SLC25A36: variants seen among roughly 807,000 people sequenced by gnomAD.
SLC25A36 encodes the protein epididymis secretory sperm binding protein.
A neutral mutation model predicts 35.3 loss-of-function variants in SLC25A36; 24 were observed. That is an observed-to-expected ratio of 0.68 (90% CI 0.49 to 0.96). The LOEUF is 0.96. Ranked by LOEUF, SLC25A36 falls within the 40% of genes least tolerant of loss-of-function variation. The pLI is 0.00. For missense variants in SLC25A36, 294 were observed against 381.1 expected, an observed-to-expected ratio of 0.77 and a Z score of 1.90; for synonymous variants, 141 against 132.2, an observed-to-expected ratio of 1.07 and a Z score of -0.46.
chr3:140,942,408 G>A (rs1420781617), intron 1 of SLC25A36: 9 of 263,926 alleles, frequency 3.4e-5, no homozygotes, highest in Non-Finnish European at 5.1e-5. Context: ...GGGGTGAGGC[G>A]GAGGCCGAAT....
rs914354195 is a variant in SLC25A36, at chr3:140,942,176, AGGGGGGTGGGGGGGTG to A, written c.41+88_41+103del. The A allele has an allele frequency of 1.5e-3, 84 of 57,112 alleles. 1 individual carries two copies. Among genetic ancestry groups the A allele is most frequent in the Middle Eastern group, 0.022 (2 of 92 alleles). The allele number at this position is 57,112 out of a possible 1,614,324, so 3.5% of individuals were successfully genotyped here. ...CAGGCGAGGGGGGCGAGGGGGGCCGAGGGGGGTGGGGGGGTGGGGGGGCGGGAGTGAGGCCTGGGCG... is the reference window on the plus strand; with the variant it reads ...CAGGCGAGGGGGGCGAGGGGGGCCGAGGGGGGCGGGAGTGAGGCCTGGGCG... On this transcript the variant is annotated intron_variant, in intron 1 of 6. Transcript: ENST00000324194.
intron 4 of SLC25A36, chr3:140,968,244 A>T: frequency 1.3e-5 from 12 of 948,956 alleles, no homozygotes; most frequent in Non-Finnish European, 1.5e-5. Flanking sequence ...ATAGCATAAA[A>T]CTCAAGGACC....
At chr3:140,961,627 G>A (rs952723028) in intron 3 of SLC25A36, among the ~76,000 whole-genome samples, 5 of 151,914 alleles carry the variant, frequency 3.3e-5, no homozygotes, top group African/African-American at 9.7e-5. Context: ...AGGCCAAGGC[G>A]GGTGGATCAC....
At chr3:140,966,284 G>C (rs1389837208) in intron 4 of SLC25A36, 1 of 227,754 alleles carries the variant, frequency 4.4e-6, no homozygotes, top group Non-Finnish European at 9.1e-6. Flanking sequence ...TCAGCCAGAT[G>C]GATGGTTGGA....
rs562617786 is a variant in SLC25A36, at chr3:140,958,486, G to A, written c.207-977G>A. Among the ~76,000 whole-genome samples, 17 of 152,202 alleles carry A rather than the reference G, an allele frequency of 1.1e-4. No individual in the cohort carries two copies. The East Asian group carries it at 1.7e-3, about 16-fold the overall frequency. On this transcript the variant is annotated intron_variant, in intron 2 of 6. Coordinates refer to ENST00000324194, the MANE Select transcript of SLC25A36 (RefSeq NM_001104647.3). ...CAAATTTCCCAATGTCAGGGGCCTC[G>A]CCTTCTTTTTTCTATCTACTTACTT...
At chr3:140,958,982 G>GTA (rs1321941011) in intron 2 of SLC25A36, among the ~76,000 whole-genome samples, 2 of 141,682 alleles carry the variant, frequency 1.4e-5, no homozygotes, top group Non-Finnish European at 3.1e-5. Context: ...GTGTGTGTGT[G>GTA]TGTGTGTGTG....
chr3:140,976,406 A>T lies in SLC25A36; in HGVS notation c.889A>T (p.Ile297Phe), dbSNP rs563864359. ...AGTGAGACAGATTCCAAACACAGCC[A>T]TTATGATGGCCACCTATGAATTGGT... is the stretch of plus-strand genomic sequence containing the variant. ...HLVRQIPNTA[I>F]MMATYELVVY... Residue 297 changes from isoleucine (I) to phenylalanine (F), a missense_variant, in exon 7 of 7, where the codon ATT becomes TTT. By Grantham distance (21) the Ile-to-Phe change is conservative (BLOSUM62 0). Coordinates refer to ENST00000324194, the MANE Select transcript of SLC25A36 (RefSeq NM_001104647.3). 26 of 1,613,846 alleles carry T rather than the reference A, an allele frequency of 1.6e-5. No homozygotes were observed. The East Asian group carries it at 5.8e-4, about 36-fold the overall frequency.
intron 4 of SLC25A36, chr3:140,968,138 C>T: frequency 2.1e-6 from 2 of 968,966 alleles, no homozygotes; most frequent in Non-Finnish European, 2.5e-6. Flanking sequence ...TTTCCATTGG[C>T]TTCATTTCTT....
At chr3:140,966,692 C>CT (rs1315822533) in intron 4 of SLC25A36, 1 of 345,520 alleles carries the variant, frequency 2.9e-6, no homozygotes, top group African/African-American at 2.2e-5. Flanking sequence ...AATTGATCTT[C>CT]TTTTAGGTAA....
intron 4 of SLC25A36, chr3:140,970,253 A>AAAT (rs1934867249): frequency 6.6e-6 from 1 of 151,960 alleles, no homozygotes; most frequent in Non-Finnish European, 1.5e-5. Context: ...CCATGTCTAT[A>AAAT]AAAGAGGGAA....
At position 140,956,660 on chromosome 3, in the gene SLC25A36, G is replaced by A; in HGVS notation, c.175G>A (p.Val59Ile). The change falls in exon 2 of 7, where the codon GTA becomes ATA. Residue 59 changes from valine (V) to isoleucine (I), a missense_variant. Around this residue, in one of 2 missense-constraint regions of SLC25A36, gnomAD observed 185 missense variants for 201.5 expected, o/e 0.92. Transcript: ENST00000324194. Reference sequence around the variant, plus strand: ...CATGGCTGGAGCCAGTGTCAACCGAGTAGTGTCTCCCGGACCTCTTCATTG... The same window carrying A: ...CATGGCTGGAGCCAGTGTCAACCGAATAGTGTCTCCCGGACCTCTTCATTG... ...NTMAGASVNR[V>I]VSPGPLHCLK... is the part of the protein sequence containing the mutation. 2 of 1,613,618 alleles carry A rather than the reference G, an allele frequency of 1.2e-6. No homozygotes were observed. The highest frequency in any genetic ancestry group is 1.7e-6 in the Non-Finnish European group (2 of 1,179,806).
chr3:140,966,814 A>G, intron 4 of SLC25A36: 1 of 389,844 alleles, frequency 2.6e-6, no homozygotes, highest in South Asian at 1.8e-5. Flanking sequence ...AATTTTCAAA[A>G]AAGTTAGATC....
rs1935113575 is a variant in SLC25A36, at chr3:140,978,659, A to G, written c.*2206A>G. ...CTTTAGTGCATTATATTCAGCTTTTAACAGTATTATGTATGTACTGGAAAG... is the reference window on the plus strand; with the variant it reads ...CTTTAGTGCATTATATTCAGCTTTTGACAGTATTATGTATGTACTGGAAAG... On this transcript the variant is annotated 3_prime_UTR_variant, in exon 7 of 7. Transcript: ENST00000324194. 6.6e-6 allele frequency: 1 copy of G among 152,164 alleles called. No individual in the cohort carries two copies. Among genetic ancestry groups the G allele is most frequent in the African/African-American group, 2.4e-5 (1 of 41,452 alleles). 9.4% of individuals were successfully genotyped at this position (152,164 alleles called of 1,614,324 possible).
intron 1 of SLC25A36, among the ~76,000 whole-genome samples, chr3:140,954,443 T>C (rs953018699): frequency 1.3e-5 from 2 of 152,230 alleles, no homozygotes; most frequent in Admixed American, 6.5e-5. Context: ...GTGTTATGTT[T>C]AACTCTGTAA....
At chr3:140,965,229 G>T (rs913654203) in intron 4 of SLC25A36, 7 of 151,838 alleles carry the variant, frequency 4.6e-5, no homozygotes, top group African/African-American at 1.7e-4. Flanking sequence ...ATTAAAGTAG[G>T]CTTTTGCCCC....
intron 1 of SLC25A36, among the ~76,000 whole-genome samples, chr3:140,949,473 A>G (rs1338017426): frequency 6.6e-6 from 1 of 152,240 alleles, no homozygotes; most frequent in African/African-American, 2.4e-5. Flanking sequence ...TATAAGATCA[A>G]TACATAGCTA....
chr3:140,961,785 G>A (rs918674415), intron 3 of SLC25A36, among the ~76,000 whole-genome samples: 5 of 150,070 alleles, frequency 3.3e-5, no homozygotes, highest in African/African-American at 4.9e-5. Flanking sequence ...GAACCCGGGA[G>A]GCGGAGCTTG....
intron 1 of SLC25A36, among the ~76,000 whole-genome samples, chr3:140,950,264 G>A (rs1462989728): frequency 9.0e-6 from 1 of 111,452 alleles, no homozygotes; most frequent in Non-Finnish European, 1.8e-5. Flanking sequence ...ACCCCCCACT[G>A]CCCCTGAAGT....
intron 4 of SLC25A36, chr3:140,967,085 A>G (rs1490381170): frequency 2.2e-6 from 1 of 453,322 alleles, no homozygotes; most frequent in African/African-American, 2.0e-5. Context: ...TAAGAAACCC[A>G]CCCTGGGATT....
Sources: gnomAD v4.1 joint callset for allele counts (sites outside exome capture counted in the v4.1 genomes callset) on GRCh38, gnomAD v4.1.1 for gene constraint, gnomAD v4.1.1 regional missense constraint, MANE v1.5 for transcripts, NCBI Gene and HGNC (gene_info 2026-07-23, HGNC 2026-07-21) for gene names.